TRIO: variants seen among roughly 807,000 people sequenced by gnomAD.
TRIO encodes trio Rho guanine nucleotide exchange factor.
TRIO carries 58 observed loss-of-function variants against 351.9 expected under a neutral mutation model. The observed-to-expected ratio is 0.16, with a 90% CI of 0.13 to 0.21. The LOEUF is 0.21. TRIO is among the 10% of genes least tolerant of loss of function. TRIO has a pLI of 1.00. For missense variants in TRIO, 3,201 were observed against 4,027.8 expected, an observed-to-expected ratio of 0.79 and a Z score of 5.56; for synonymous variants, 1,758 against 1,595.7, an observed-to-expected ratio of 1.10 and a Z score of -2.42.
At chr5:14,423,261 C>A (rs895365847) in intron 34 of TRIO, among the ~76,000 whole-genome samples, 8 of 152,246 alleles carry the variant, frequency 5.3e-5, no homozygotes, top group Non-Finnish European at 5.9e-5. Flanking sequence ...TCTGTGCCCC[C>A]AGCGAGTCTC....
In TRIO at chr5:14,498,759, A is replaced by G. The variant is rs891489898; in HGVS notation, c.8332+119A>G. On this transcript the variant is annotated intron_variant, in intron 53 of 56. Coordinates refer to ENST00000344204, the MANE Select transcript of TRIO (RefSeq NM_007118.4). ...GGCCTGAAAGATAGAACAATAAGTC[A>G]TTTGTGGGGCTTCAAAAGACAGTTG... 1.1e-5 allele frequency: 16 copies of G among 1,460,688 alleles called. No homozygotes were observed. In the African/African-American group the frequency reaches 2.1e-4, roughly 19 times the overall value. 90.5% of individuals were successfully genotyped at this position (1,460,688 alleles called of 1,614,324 possible). A position where few individuals can be genotyped will look rare whatever the true frequency, so the allele number is the denominator to read the frequency against.
chr5:14,396,099 C>G (rs2152370305), intron 28 of TRIO, among the ~76,000 whole-genome samples: 1 of 147,528 alleles, frequency 6.8e-6, no homozygotes, highest in South Asian at 2.2e-4. Context: ...GGTGAACTTA[C>G]TGTTCCTGTT....
At chr5:14,210,608 G>A (rs1163819425) in intron 1 of TRIO, among the ~76,000 whole-genome samples, 1 of 151,410 alleles carries the variant, frequency 6.6e-6, no homozygotes, top group Non-Finnish European at 1.5e-5. Flanking sequence ...TTTTTTTGTT[G>A]TTGTTGTTGT....
chr5:14,399,460 C>T lies in TRIO; in HGVS notation c.4614+390C>T, dbSNP rs78610025. 6.6e-3 allele frequency: 1,711 copies of T among 257,394 alleles called. 32 individuals carry two copies. The highest frequency in any genetic ancestry group is 0.035 in the African/African-American group (1,593 of 45,524). The allele number at this position is 257,394 out of a possible 1,614,324, so 15.9% of individuals were successfully genotyped here. ...AAACATTGGAGTATATGGAAACAGC[C>T]TTACTGGGTGGCTCACATTTAAAAA... On this transcript the variant is annotated intron_variant, in intron 30 of 56. Coordinates refer to ENST00000344204, the MANE Select transcript of TRIO (RefSeq NM_007118.4).
At chr5:14,188,220 C>T (rs1309495432) in intron 1 of TRIO, among the ~76,000 whole-genome samples, 1 of 152,182 alleles carries the variant, frequency 6.6e-6, no homozygotes, top group African/African-American at 2.4e-5. Flanking sequence ...ATGTGGTTTT[C>T]AAGTGATCTT....
intron 18 of TRIO, among the ~76,000 whole-genome samples, chr5:14,373,350 G>A (rs1745287900): frequency 6.6e-6 from 1 of 152,086 alleles, no homozygotes; most frequent in Non-Finnish European, 1.5e-5. Context: ...AAAAAGTCTG[G>A]AAACAGTGAC....
intron 34 of TRIO, among the ~76,000 whole-genome samples, chr5:14,421,307 CAT>C (rs1750133179): frequency 7.3e-6 from 1 of 137,510 alleles, no homozygotes; most frequent in African/African-American, 2.8e-5. Flanking sequence ...CAAGGAAACT[CAT>C]AAGATTGTTC....
intron 7 of TRIO, among the ~76,000 whole-genome samples, chr5:14,298,444 A>G (rs1028892911): frequency 9.2e-5 from 14 of 152,200 alleles, no homozygotes; most frequent in African/African-American, 3.1e-4. Flanking sequence ...TAAAAAGGAA[A>G]AATATCAGTA....
chr5:14,342,234 A>T (rs1359046551), intron 11 of TRIO, among the ~76,000 whole-genome samples: 1 of 152,212 alleles, frequency 6.6e-6, no homozygotes, highest in African/African-American at 2.4e-5. Context: ...TCTGACCCTC[A>T]GGTCCTCACC....
chr5:14,421,554 A>G (rs571090569), intron 34 of TRIO, among the ~76,000 whole-genome samples: 138 of 150,554 alleles, frequency 9.2e-4, no homozygotes, highest in African/African-American at 3.3e-3. Context: ...TAGGGAGCAG[A>G]GATCGCACCA....
intron 1 of TRIO, among the ~76,000 whole-genome samples, chr5:14,167,852 G>C (rs1788863292): frequency 6.6e-6 from 1 of 152,186 alleles, no homozygotes; most frequent in Non-Finnish European, 1.5e-5. Flanking sequence ...AAGTACCCTT[G>C]CTTTACCTAA....
chr5:14,383,364 C>T (rs1200317866), intron 21 of TRIO, among the ~76,000 whole-genome samples: 3 of 152,226 alleles, frequency 2.0e-5, no homozygotes, highest in Non-Finnish European at 4.4e-5. Context: ...AGACAGCCTG[C>T]TCACTGCCCA....
intron 11 of TRIO, among the ~76,000 whole-genome samples, chr5:14,337,785 T>C (rs779296509): frequency 2.6e-5 from 4 of 152,124 alleles, no homozygotes; most frequent in Non-Finnish European, 4.4e-5. Context: ...GGCTTCCCTC[T>C]GAAACCCTGT....
At chr5:14,418,252 G>A (rs1749809671) in intron 33 of TRIO, among the ~76,000 whole-genome samples, 1 of 152,152 alleles carries the variant, frequency 6.6e-6, no homozygotes, top group African/African-American at 2.4e-5. Flanking sequence ...CCACTGGGGG[G>A]GACCTTTGCC....
intron 33 of TRIO, among the ~76,000 whole-genome samples, chr5:14,417,394 A>C (rs1387602543): frequency 2.0e-5 from 3 of 152,252 alleles, no homozygotes; most frequent in Non-Finnish European, 4.4e-5. Flanking sequence ...TTCTCTTAAA[A>C]GATAGGCTCC....
intron 38 of TRIO, 73 bp downstream of exon 38, chr5:14,471,539 CTG>C: frequency 1.3e-6 from 2 of 1,584,514 alleles, no homozygotes; most frequent in Admixed American, 3.4e-5. Flanking sequence ...AAAAATGTGA[CTG>C]AGATTCAGCT....
chr5:14,419,128 A>G (rs1304444828), intron 33 of TRIO, among the ~76,000 whole-genome samples: 4 of 152,140 alleles, frequency 2.6e-5, no homozygotes, highest in Non-Finnish European at 5.9e-5. Context: ...CTGGGAAACG[A>G]GCCGATGTCT....
Position 14,498,241 on chromosome 5 carries a change from A to G in TRIO, c.8200A>G (p.Ile2734Val), listed in dbSNP as rs781446814. ...CTTGAACAACGATGGTCACTACAGC[A>G]TCTCCTACAGGTGAGGGAGGCCCAC... ...NTLNNDGHYS[I>V]SYSDLGEATL... is the part of the protein sequence containing the mutation. The change falls in exon 52 of 57, where the codon ATC (isoleucine) becomes GTC (valine). Residue 2734 changes from isoleucine to valine, a missense_variant. Physicochemically the swap from Ile to Val is conservative, Grantham distance 29 (BLOSUM62 3). Transcript: ENST00000344204. 3.1e-6 allele frequency: 5 copies of G among 1,614,230 alleles called. No individual in the cohort carries two copies. In the East Asian group the frequency reaches 6.7e-5, roughly 22 times the overall value.
chr5:14,323,596 C>G (rs1427949223), intron 9 of TRIO, among the ~76,000 whole-genome samples: 2 of 152,224 alleles, frequency 1.3e-5, no homozygotes, highest in Non-Finnish European at 2.9e-5. Flanking sequence ...CACTCTCCAG[C>G]CCCACTCAGC....
Sources: gnomAD v4.1 joint callset for allele counts (sites outside exome capture counted in the v4.1 genomes callset) on GRCh38, gnomAD v4.1.1 for gene constraint, MANE v1.5 for transcripts, NCBI Gene and HGNC (gene_info 2026-07-23, HGNC 2026-07-21) for gene names.